The following MAD1L1 variants were observed in gnomAD, a reference collection of about 807,000 sequenced individuals.
MAD1L1 encodes mitotic arrest deficient 1 like 1.
Under a neutral mutation model 96.9 loss-of-function variants are expected in MAD1L1, and 95 were observed. That is an observed-to-expected ratio of 0.98 (90% CI 0.83 to 1.16). The LOEUF (loss-of-function observed/expected upper bound fraction) is 1.16, where lower values mean the gene tolerates loss of function less well. Among genes scored for constraint, MAD1L1 ranks in the 50% most tolerant of loss-of-function variants. The pLI is 0.00. For synonymous variants in MAD1L1, 473 were observed against 396.6 expected, an observed-to-expected ratio of 1.19 and a Z score of -2.29; for missense variants, 1,007 against 954.4, an observed-to-expected ratio of 1.06 and a Z score of -0.73.
chr7:2,116,568 G>GT (rs369258436), intron 11 of MAD1L1, among the ~76,000 whole-genome samples: 4 of 65,752 alleles, frequency 6.1e-5, no homozygotes, highest in Admixed American at 1.3e-4. Context: ...CCAGAGGGTT[G>GT]GGGGGGGGGG....
intron 12 of MAD1L1, among the ~76,000 whole-genome samples, chr7:2,037,460 T>C (rs6949558): frequency 0.074 from 11,258 of 151,856 alleles, 1,347 homozygotes; most frequent in African/African-American, 0.25. Context: ...CCCAACAGCA[T>C]GTGCTCCCTA....
At chr7:2,102,141 G>A (rs1786811182) in intron 11 of MAD1L1, among the ~76,000 whole-genome samples, 1 of 151,972 alleles carries the variant, frequency 6.6e-6, no homozygotes, top group African/African-American at 2.4e-5. Flanking sequence ...GCCAAGTCCT[G>A]CCACTGCACC....
chr7:1,995,546 C>A (rs907379988), intron 14 of MAD1L1, among the ~76,000 whole-genome samples: 1 of 152,094 alleles, frequency 6.6e-6, no homozygotes, highest in Non-Finnish European at 1.5e-5. Context: ...GGCGCAGGAG[C>A]CCCAGGCGGG....
chr7:1,855,689 A>G (rs568114247), intron 18 of MAD1L1, among the ~76,000 whole-genome samples: 1 of 152,138 alleles, frequency 6.6e-6, no homozygotes, highest in South Asian at 2.1e-4. Flanking sequence ...GGCTCCCTCC[A>G]CAGTGCTCCT....
chr7:1,887,853 G>A lies in MAD1L1; in HGVS notation c.1998+10347C>T, dbSNP rs374361945. Among the ~76,000 whole-genome samples, 52 of 17,346 alleles carry A rather than the reference G, an allele frequency of 3.0e-3. 1 individual carries two copies. The Admixed American group carries it at 0.039, about 13-fold the overall frequency. The allele number at this position is 17,346 out of a possible 152,430, so 11.4% of individuals were successfully genotyped here. On this transcript the variant is annotated intron_variant, in intron 18 of 18. Coordinates refer to ENST00000265854, the MANE Select transcript of MAD1L1 (RefSeq NM_001013836.2). ...CATGTATGTGGCGTCCTGTGCGTGT[G>A]TGTGTGCACGTGTGTGTGCAAGCAT...
chr7:1,824,505 G>A (rs957416499), intron 18 of MAD1L1, among the ~76,000 whole-genome samples: 2 of 152,296 alleles, frequency 1.3e-5, no homozygotes, highest in Admixed American at 6.5e-5. Flanking sequence ...CAGCTGCCCC[G>A]TGCCCTGGCG....
In MAD1L1 at chr7:2,069,338, G is replaced by A. The variant is rs376951121; in HGVS notation, c.1074C>T (p.Ser358=). Residue 358 remains serine, a splice_region_variant and synonymous_variant, in exon 12 of 19, where the codon AGC becomes AGT. Transcript: ENST00000265854. The part of the protein sequence containing the change: ...LKDKNSAVTS[S]ARGLEKARQQ... Reference sequence around the variant, plus strand: ...GCCTGGCCTTCTCCAGCCCCCGGGCGCTGCATGGGAGAGACAAGAGGGCAA... The same window carrying A: ...GCCTGGCCTTCTCCAGCCCCCGGGCACTGCATGGGAGAGACAAGAGGGCAA... 3.6e-5 allele frequency: 58 copies of A among 1,590,940 alleles called. No homozygotes were observed. Among genetic ancestry groups the A allele is most frequent in the East Asian group, 3.2e-4 (14 of 44,288 alleles).
At chr7:2,061,455 A>G (rs1290057295) in intron 12 of MAD1L1, among the ~76,000 whole-genome samples, 15 of 152,276 alleles carry the variant, frequency 9.9e-5, no homozygotes, top group Non-Finnish European at 2.1e-4. Flanking sequence ...GTGAGCATGT[A>G]AAAAGCAGCT....
chr7:2,049,045 G>T (rs563263038), intron 12 of MAD1L1, among the ~76,000 whole-genome samples: 5 of 152,226 alleles, frequency 3.3e-5, no homozygotes, highest in African/African-American at 1.2e-4. Flanking sequence ...AGTTGATGAT[G>T]AACTACCTCA....
In MAD1L1 at chr7:1,828,807, C is replaced by A. The variant is rs998878350; in HGVS notation, c.1999-12579G>T. 7.2e-5 allele frequency among the ~76,000 whole-genome samples: 11 copies of A among 152,290 alleles called. No homozygotes were observed. The South Asian group carries it at 1.0e-3, about 14-fold the overall frequency. On this transcript the variant is annotated intron_variant, in intron 18 of 18. Coordinates refer to ENST00000265854, the MANE Select transcript of MAD1L1 (RefSeq NM_001013836.2). ...TGAAACAGACCTAGGGCTGACCTGACGTCAGAAGCGGCAGATCACATTAAG... is the reference window on the plus strand; with the variant it reads ...TGAAACAGACCTAGGGCTGACCTGAAGTCAGAAGCGGCAGATCACATTAAG...
chr7:2,151,118 C>T (rs548695057), intron 10 of MAD1L1, among the ~76,000 whole-genome samples: 38 of 152,230 alleles, frequency 2.5e-4, no homozygotes, highest in Admixed American at 1.3e-3. Flanking sequence ...AATATCAGTA[C>T]GAAAGTAAGG....
intron 10 of MAD1L1, among the ~76,000 whole-genome samples, chr7:2,158,283 T>C (rs911553407): frequency 4.6e-5 from 7 of 152,200 alleles, no homozygotes; most frequent in East Asian, 1.9e-4. Context: ...TTGGGGCTAA[T>C]AGCAGATGTT....
chr7:1,838,478 A>G (rs1245217952), intron 18 of MAD1L1: 1 of 307,892 alleles, frequency 3.2e-6, no homozygotes, highest in Non-Finnish European at 6.5e-6. Context: ...CTATCCACAC[A>G]CTAGACCGTA....
Position 2,166,084 on chromosome 7 carries a change from G to C in MAD1L1, c.987-16846C>G, listed in dbSNP as rs111561354. On this transcript the variant is annotated intron_variant, in intron 10 of 18. Transcript: ENST00000265854. ...TCTCCCATGTGGAAACTTCTGACAAGAACAGGCCGCCAGCAGCAAAGTCCA... is the reference window on the plus strand; with the variant it reads ...TCTCCCATGTGGAAACTTCTGACAACAACAGGCCGCCAGCAGCAAAGTCCA... 7.2e-3 allele frequency among the ~76,000 whole-genome samples: 1,099 copies of C among 152,328 alleles called. 7 individuals are homozygous for C. Among genetic ancestry groups the C allele is most frequent in the Middle Eastern group, 0.02 (6 of 294 alleles).
intron 17 of MAD1L1, among the ~76,000 whole-genome samples, chr7:1,907,806 G>C (rs775486578): frequency 6.6e-6 from 1 of 152,260 alleles, no homozygotes; most frequent in Non-Finnish European, 1.5e-5. Context: ...CGGACATCAC[G>C]GGTGCTCGGC....
chr7:2,194,564 A>G (rs1791890201), intron 10 of MAD1L1, among the ~76,000 whole-genome samples: 1 of 152,198 alleles, frequency 6.6e-6, no homozygotes, highest in South Asian at 2.1e-4. Context: ...TGGGCTAGAA[A>G]GGCAGAGCCA....
intron 10 of MAD1L1, among the ~76,000 whole-genome samples, chr7:2,188,698 A>G (rs1791574507): frequency 6.6e-6 from 1 of 152,294 alleles, no homozygotes; most frequent in South Asian, 2.1e-4. Flanking sequence ...CAAATCAAAG[A>G]CCTAAATGTA....
Position 1,968,509 on chromosome 7 carries a change from G to A in MAD1L1, c.1506-10790C>T, listed in dbSNP as rs1040836472. Among the ~76,000 whole-genome samples the A allele has an allele frequency of 3.4e-5, 5 of 149,178 alleles. No individual in the cohort carries two copies. The highest frequency in any genetic ancestry group is 6.7e-5 in the Admixed American group (1 of 14,936). On this transcript the variant is annotated intron_variant, in intron 15 of 18. Transcript: ENST00000265854. This position sits in a 1 kb window ranked among gnomAD's most constrained non-coding sequence, Gnocchi z 5.6. Reference sequence around the variant, plus strand: ...AGGTCCACTGTCCATGCCTCAGTCCGGCGGTCAGGTCCACCGTCAATGCCA... The same window carrying A: ...AGGTCCACTGTCCATGCCTCAGTCCAGCGGTCAGGTCCACCGTCAATGCCA...
At chr7:2,044,459 T>A (rs1783831673) in intron 12 of MAD1L1, among the ~76,000 whole-genome samples, 2 of 152,172 alleles carry the variant, frequency 1.3e-5, no homozygotes, top group Non-Finnish European at 2.9e-5. Flanking sequence ...GTGGGGACGC[T>A]GTGAACACAC....
Sources: gnomAD v4.1 joint callset for allele counts (sites outside exome capture counted in the v4.1 genomes callset) on GRCh38, gnomAD v4.1.1 for gene constraint, Gnocchi (gnomAD v3.1) non-coding constraint, MANE v1.5 for transcripts, NCBI Gene and HGNC (gene_info 2026-07-23, HGNC 2026-07-21) for gene names.